Variants in ETAA1 observed in about 807,000 individuals in gnomAD.
ETAA1 encodes ETAA1 activator of ATR kinase.
ETAA1 carries 49 observed loss-of-function variants against 76.8 expected under a neutral mutation model. The observed-to-expected ratio is 0.64, with a 90% CI of 0.51 to 0.81. The LOEUF (loss-of-function observed/expected upper bound fraction) is 0.81. ETAA1 is among the 30% of genes least tolerant of loss of function. The pLI is 0.00. For synonymous variants in ETAA1, 373 were observed against 372.2 expected (o/e 1.00, Z -0.03); for missense variants, 1,099 against 1,074.0 (o/e 1.02, Z -0.32).
At chr2:67,407,384 A>G (rs995626253) in intron 5 of ETAA1, among the ~76,000 whole-genome samples, 2 of 152,266 alleles carry the variant, frequency 1.3e-5, no homozygotes, top group African/African-American at 2.4e-5. Flanking sequence ...CTTGCTTTAC[A>G]TGATAGCCCA....
intron 5 of ETAA1, among the ~76,000 whole-genome samples, chr2:67,407,246 T>TA (rs71395915): frequency 0.13 from 12,905 of 102,214 alleles, 688 homozygotes; most frequent in Middle Eastern, 0.18. Context: ...GCTGATGAAC[T>TA]AAAAAAAAAA....
At chr2:67,399,048 C>A in intron 1 of ETAA1, 121 bp from the exon 2 acceptor site, 1 of 909,132 alleles carries the variant, frequency 1.1e-6, no homozygotes. Flanking sequence ...GTAATTATCT[C>A]TGGGAAAAAA....
At chr2:67,409,498 G>C (rs1479235082) in intron 5 of ETAA1, among the ~76,000 whole-genome samples, 3 of 151,864 alleles carry the variant, frequency 2.0e-5, no homozygotes, top group Admixed American at 6.6e-5. Flanking sequence ...GTTTGAGATT[G>C]ATAACTAATT....
At chr2:67,408,522 C>T (rs1268717710) in intron 5 of ETAA1, among the ~76,000 whole-genome samples, 1 of 151,734 alleles carries the variant, frequency 6.6e-6, no homozygotes. Context: ...TGCTTTCTGA[C>T]TCTTTCTTTA....
Position 67,403,964 on chromosome 2 carries a change from TCAAGAGCAAATA to T in ETAA1, c.1287_1298del (p.Arg429_Thr432del), listed in dbSNP as rs1432930828. 1 of 1,608,850 alleles carries T rather than the reference TCAAGAGCAAATA, an allele frequency of 6.2e-7. No homozygotes were observed. The highest frequency in any genetic ancestry group is 1.3e-5 in the African/African-American group (1 of 74,444). On this transcript the variant is annotated inframe_deletion, in exon 5 of 6. Transcript: ENST00000272342. ...TAATAGTAAAACTGTTAAAAATACG[TCAAGAGCAAATA>T]CAAGTCCAGATGCCAGGTTAGGAGA...
In ETAA1 at chr2:67,399,228, TCTC is replaced by T. The variant is rs780875982; in HGVS notation, c.286_288del (p.Pro96del). The T allele has an allele frequency of 8.1e-6, 13 of 1,613,520 alleles. No individual in the cohort carries two copies. The highest frequency in any genetic ancestry group is 2.2e-5 in the East Asian group (1 of 44,824). The stretch of plus-strand genomic sequence containing the variant: ...GGACTCACTGTCATCTTCCTTCAGT[TCTC>T]CTAATGATCCAGATGGACAGAATGA... On this transcript the variant is annotated inframe_deletion, in exon 2 of 6. Coordinates refer to ENST00000272342, the MANE Select transcript of ETAA1 (RefSeq NM_019002.4).
intron 4 of ETAA1, 106 bp downstream of exon 4, chr2:67,403,080 T>G (rs1284664313): frequency 8.7e-7 from 1 of 1,155,356 alleles, no homozygotes; most frequent in African/African-American, 1.6e-5. Context: ...TTAATAAAAT[T>G]TCCACAGTTT....
chr2:67,409,455 A>ATAT (rs1356237255), intron 5 of ETAA1, among the ~76,000 whole-genome samples: 3 of 152,032 alleles, frequency 2.0e-5, no homozygotes, highest in Non-Finnish European at 4.4e-5. Flanking sequence ...GTAGATGTGA[A>ATAT]TATTAATATA....
chr2:67,405,061 A>T lies in ETAA1; in HGVS notation c.2379A>T (p.Lys793Asn), dbSNP rs1245232647. 6.2e-7 allele frequency: 1 copy of T among 1,612,186 alleles called. No individual in the cohort carries two copies. The highest frequency in any genetic ancestry group is 1.3e-5 in the African/African-American group (1 of 74,928). Reference sequence around the variant, plus strand: ...CAGAAATTACTACTTATAAGAAGAAATTGAGTACTAATCAGCCATGCCATA... The same window carrying T: ...CAGAAATTACTACTTATAAGAAGAATTTGAGTACTAATCAGCCATGCCATA... ...MNTEITTYKKKLSTNQPCHKT... is the reference protein window; with the variant it reads ...MNTEITTYKKNLSTNQPCHKT... Residue 793 changes from lysine to asparagine, a missense_variant, in exon 5 of 6, where the codon AAA (lysine) becomes AAT (asparagine). Transcript: ENST00000272342.
intron 3 of ETAA1, chr2:67,402,593 C>A: frequency 5.6e-6 from 1 of 178,196 alleles, no homozygotes; most frequent in Non-Finnish European, 1.2e-5. Context: ...AAATTTAATT[C>A]TTAAAACAAT....
Position 67,403,888 on chromosome 2 carries a change from CTT to C in ETAA1, c.1208_1209del (p.Phe403SerfsTer3). The C allele has an allele frequency of 6.2e-7, 1 of 1,613,074 alleles. No individual in the cohort carries two copies. Among genetic ancestry groups the C allele is most frequent in the Admixed American group, 1.7e-5 (1 of 59,974 alleles). ...AMQNIDMPEL[F>X]PSKTAHVTDQ... ...TGCAAAATATCGACATGCCTGAACT[CTT>C]TCCTTCTAAAACAGCCCATGTTACT... On this transcript the variant is annotated frameshift_variant, in exon 5 of 6. Coordinates refer to ENST00000272342, the MANE Select transcript of ETAA1 (RefSeq NM_019002.4). LOFTEE classifies it high-confidence loss of function.
At position 67,404,286 on chromosome 2, in the gene ETAA1, A is replaced by T; in HGVS notation, c.1604A>T (p.Lys535Met). The T allele has an allele frequency of 6.2e-7, 1 of 1,612,194 alleles. No individual in the cohort carries two copies. The highest frequency in any genetic ancestry group is 8.5e-7 in the Non-Finnish European group (1 of 1,179,192). The change falls in exon 5 of 6, where the codon AAG (lysine) becomes ATG (methionine). Residue 535 changes from lysine (K) to methionine (M), a missense_variant. By Grantham distance (95) the Lys-to-Met change is moderately conservative. Around this residue, in one of 3 missense-constraint regions of ETAA1, gnomAD observed 761 missense variants for 731.9 expected, o/e 1.04. Transcript: ENST00000272342. ...AGGTATTCTAATGAACAGAAAAATA[A>T]GTGCATTTTAAATCAGTCTATTAAA... is the stretch of plus-strand genomic sequence containing the variant. ...NTRYSNEQKN[K>M]CILNQSIKAP... is the part of the protein sequence containing the mutation.
intron 5 of ETAA1, 133 bp from the exon 6 acceptor site, chr2:67,409,778 T>G: frequency 1.3e-5 from 10 of 745,252 alleles, no homozygotes; most frequent in Non-Finnish European, 2.0e-5. Flanking sequence ...AATTTTATAT[T>G]CAGTAGTTTA....
rs1003310237 is a variant in ETAA1 at position 67,402,858 on chromosome 2, A to C, written c.430-4A>C. The C allele has an allele frequency of 6.3e-7, 1 of 1,581,902 alleles. No individual in the cohort carries two copies. The highest frequency in any genetic ancestry group is 1.4e-5 in the African/African-American group (1 of 72,860). On this transcript the variant is annotated splice_region_variant and splice_polypyrimidine_tract_variant and intron_variant, in intron 3 of 5. Coordinates refer to ENST00000272342, the MANE Select transcript of ETAA1 (RefSeq NM_019002.4). ...ATACCTCTTTTTTTCCCTATCTGCC[A>C]AAGGATGAAAAACCAACAACAAATT...
intron 3 of ETAA1, 81 bp from the exon 4 acceptor site, chr2:67,402,781 T>G (rs1676090610): frequency 1.1e-6 from 1 of 917,098 alleles, no homozygotes; most frequent in South Asian, 2.5e-5. Context: ...TTTATTGTCT[T>G]TTTTCTTTCT....
In ETAA1 at chr2:67,399,544, C is replaced by A; in HGVS notation, c.353-6C>A. On this transcript the variant is annotated splice_region_variant and splice_polypyrimidine_tract_variant and intron_variant, in intron 2 of 5. Transcript: ENST00000272342. ...AAAATTTATAGAAATGTCTTTGTTT[C>A]TTTAGGTAAAGGAAGAAAAAAACAG... 6.3e-7 allele frequency: 1 copy of A among 1,580,870 alleles called. No homozygotes were observed. The highest frequency in any genetic ancestry group is 1.2e-5 in the South Asian group (1 of 86,714).
At chr2:67,409,828 A>AT (rs1676320543) in intron 5 of ETAA1, 83 bp from the exon 6 acceptor site, 2 of 1,351,070 alleles carry the variant, frequency 1.5e-6, no homozygotes, top group East Asian at 2.4e-5. Context: ...AATCTGGGTG[A>AT]TTAAAAAAAG....
In ETAA1 at chr2:67,404,738, G is replaced by A. The variant is rs138147842; in HGVS notation, c.2056G>A (p.Gly686Arg). The change falls in exon 5 of 6, where the codon GGA becomes AGA. Residue 686 changes from glycine (G) to arginine (R), a missense_variant. This residue lies in a region of ETAA1 where 302 missense variants were observed against 278.1 expected (regional missense o/e 1.09). Transcript: ENST00000272342. ...AKNMFAISKQ[G>R]SNLVQSKHLN... ...AAACATGTTTGCTATATCTAAACAA[G>A]GAAGTAATTTGGTACAATCAAAGCA... 3.6e-5 allele frequency: 58 copies of A among 1,613,294 alleles called. 1 individual carries two copies. Among genetic ancestry groups the A allele is most frequent in the East Asian group, 1.6e-4 (7 of 44,820 alleles).
At chr2:67,405,386 G>T in intron 5 of ETAA1, 51 bp downstream of exon 5, 1 of 1,377,360 alleles carries the variant, frequency 7.3e-7, no homozygotes, top group Non-Finnish European at 9.7e-7. Context: ...TTAAAAAGTA[G>T]TAAAATAATT....
Sources: allele counts gnomAD v4.1 joint callset (sites outside exome capture counted in the v4.1 genomes callset), GRCh38; gene constraint gnomAD v4.1.1; regional missense constraint gnomAD v4.1.1; transcripts MANE v1.5; gene names NCBI Gene and HGNC (gene_info 2026-07-23, HGNC 2026-07-21).